The following NCSTN variants were observed in gnomAD, a reference collection of about 807,000 sequenced individuals.
NCSTN encodes the protein nicastrin, also known as anterior pharynx-defective 2.
NCSTN carries 22 observed loss-of-function variants against 87.0 expected under a neutral mutation model. That is an observed-to-expected ratio of 0.25 (90% CI 0.18 to 0.36). The LOEUF is 0.36. NCSTN is among the 10% of genes least tolerant of loss of function. The probability of loss-of-function intolerance (pLI) is 1.00; values close to 1 mark genes in which losing one functional copy is unlikely to be tolerated. For synonymous variants in NCSTN, 306 were observed against 327.1 expected, an observed-to-expected ratio of 0.94 and a Z score of 0.69; for missense variants, 693 against 883.3, an observed-to-expected ratio of 0.78 and a Z score of 2.73.
chr1:160,352,204 G>A lies in NCSTN; in HGVS notation c.994G>A (p.Gly332Arg). 1 of 1,614,038 alleles carries A rather than the reference G, an allele frequency of 6.2e-7. No individual in the cohort carries two copies. Among genetic ancestry groups the A allele is most frequent in the Non-Finnish European group, 8.5e-7 (1 of 1,179,938 alleles). ...PRNVMFVFFQGETFDYIGSSR... is the reference protein window; with the variant it reads ...PRNVMFVFFQRETFDYIGSSR... ...CAATGTCATGTTTGTCTTCTTTCAA[G>A]GGGTAAGGGCTCTTTGGCTGGGGTG... The change falls in exon 8 of 17, where the codon GGG becomes AGG. Residue 332 changes from glycine to arginine, a missense_variant and splice_region_variant. Transcript: ENST00000294785.
intron 1 of NCSTN, among the ~76,000 whole-genome samples, chr1:160,344,223 C>T (rs1190003648): frequency 6.6e-6 from 1 of 152,054 alleles, no homozygotes. Flanking sequence ...TACAGCTGCC[C>T]CACACTGTGG....
Position 160,358,229 on chromosome 1 carries a change from C to T in NCSTN, c.2088C>T (p.Val696=). The stretch of plus-strand genomic sequence containing the variant: ...ACTGCATCAATGCCAAAGCTGATGT[C>T]CTTTTCATTGCTCCCCGGGAGCCAG... ...VTYCINAKAD[V]LFIAPREPGA... Residue 696 remains valine, a synonymous_variant, in exon 17 of 17, where the codon GTC becomes GTT. Coordinates refer to ENST00000294785, the MANE Select transcript of NCSTN (RefSeq NM_015331.3). 1 of 1,614,158 alleles carries T rather than the reference C, an allele frequency of 6.2e-7. No homozygotes were observed. The highest frequency in any genetic ancestry group is 2.2e-5 in the East Asian group (1 of 44,866).
chr1:160,353,516 C>T, intron 10 of NCSTN: 1 of 1,324,704 alleles, frequency 7.5e-7, no homozygotes, highest in South Asian at 1.5e-5. Flanking sequence ...GTGACTAGCT[C>T]CCTTCTTGCC....
intron 1 of NCSTN, chr1:160,344,414 A>C: frequency 7.0e-7 from 1 of 1,431,644 alleles, no homozygotes; most frequent in Non-Finnish European, 9.2e-7. Flanking sequence ...CACCTGTGCA[A>C]CCAGAATCTG....
At chr1:160,356,875 C>A in intron 15 of NCSTN, 121 bp downstream of exon 15, 1 of 1,435,738 alleles carries the variant, frequency 7.0e-7, no homozygotes, top group Non-Finnish European at 9.7e-7. Flanking sequence ...ATGCAGTCCT[C>A]AGCAATTGGG....
chr1:160,350,985 A>G (rs961501440), intron 5 of NCSTN, among the ~76,000 whole-genome samples: 1 of 152,228 alleles, frequency 6.6e-6, no homozygotes, highest in African/African-American at 2.4e-5. Flanking sequence ...GGAATGGGAT[A>G]GTTTCATCTC....
At position 160,356,699 on chromosome 1, in the gene NCSTN, A is replaced by G. The variant is rs140064076; in HGVS notation, c.1739A>G (p.Asn580Ser). The change falls in exon 15 of 17, where the codon AAC (asparagine) becomes AGC (serine). Residue 580 changes from asparagine to serine, a missense_variant. By Grantham distance (46) the Asn-to-Ser change is conservative (BLOSUM62 1). Transcript: ENST00000294785. The stretch of plus-strand genomic sequence containing the variant: ...GCAAATTTGACTGGCACAGTGGTCA[A>G]CCTCACCCGAGAGCAGTGCCAGGAT... ...ALANLTGTVVNLTREQCQDPS... is the reference protein window; with the variant it reads ...ALANLTGTVVSLTREQCQDPS... 244 of 1,614,100 alleles carry G rather than the reference A, an allele frequency of 1.5e-4. No individual in the cohort carries two copies. Among genetic ancestry groups the G allele is most frequent in the East Asian group, 2.0e-4 (9 of 44,896 alleles).
intron 11 of NCSTN, among the ~76,000 whole-genome samples, chr1:160,354,684 A>G (rs1348878888): frequency 5.3e-5 from 8 of 152,222 alleles, no homozygotes; most frequent in Admixed American, 3.3e-4. Context: ...CAGAGGTGCC[A>G]GAAACAGTAT....
chr1:160,349,687 A>C lies in NCSTN; in HGVS notation c.436+17A>C. 6.2e-7 allele frequency: 1 copy of C among 1,613,196 alleles called. No individual in the cohort carries two copies. The highest frequency in any genetic ancestry group is 8.5e-7 in the Non-Finnish European group (1 of 1,179,970). Reference sequence around the variant, plus strand: ...ATGGGTTTGGTAAGTGTCCCAAAGGATCAGGAGAGCCTACTGTCACCTAAG... The same window carrying C: ...ATGGGTTTGGTAAGTGTCCCAAAGGCTCAGGAGAGCCTACTGTCACCTAAG... On this transcript the variant is annotated intron_variant, in intron 4 of 16. Coordinates refer to ENST00000294785, the MANE Select transcript of NCSTN (RefSeq NM_015331.3).
At position 160,358,584 on chromosome 1, in the gene NCSTN, G is replaced by A. The variant is rs1219787305; in HGVS notation, c.*313G>A. The A allele has an allele frequency of 4.9e-6, 2 of 406,388 alleles. No individual in the cohort carries two copies. Among genetic ancestry groups the A allele is most frequent in the Non-Finnish European group, 9.3e-6 (2 of 215,272 alleles). 25.2% of individuals were successfully genotyped at this position (406,388 alleles called of 1,614,324 possible). On this transcript the variant is annotated 3_prime_UTR_variant, in exon 17 of 17. Coordinates refer to ENST00000294785, the MANE Select transcript of NCSTN (RefSeq NM_015331.3). ...TTACCCACCCTAATTTGCCCTTCAG[G>A]ACCCTTCTACTTTTTCCTTCCTGCC...
chr1:160,354,641 A>C (rs886540158), intron 11 of NCSTN, among the ~76,000 whole-genome samples: 6 of 152,144 alleles, frequency 3.9e-5, no homozygotes, highest in Non-Finnish European at 5.9e-5. Flanking sequence ...CTTTGGCTAG[A>C]AGACAGAAAG....
intron 3 of NCSTN, 43 bp downstream of exon 3, chr1:160,349,165 A>C (rs200754800): frequency 1.9e-6 from 3 of 1,612,154 alleles, no homozygotes; most frequent in Non-Finnish European, 2.5e-6. Context: ...CCATAGAGGG[A>C]AAGTTTCAGT....
In NCSTN at chr1:160,343,954, G is replaced by GTTTTTTTTTT. The variant is rs35301624; in HGVS notation, c.85+486_85+495dup. The GTTTTTTTTTT allele has an allele frequency of 2.6e-5, 4 of 152,452 alleles. 1 individual carries two copies. Among genetic ancestry groups the GTTTTTTTTTT allele is most frequent in the African/African-American group, 1.4e-4 (4 of 28,780 alleles). 9.4% of individuals were successfully genotyped at this position (152,452 alleles called of 1,614,324 possible). On this transcript the variant is annotated intron_variant, in intron 1 of 16. Coordinates refer to ENST00000294785, the MANE Select transcript of NCSTN (RefSeq NM_015331.3). ...TCTGTGTCCCCCTGCCTTGCCTCAG[G>GTTTTTTTTTT]TTTTTTTTTTTTTTTTTTTTTTAAT...
chr1:160,353,064 G>C, intron 9 of NCSTN, 73 bp downstream of exon 9: 2 of 1,578,328 alleles, frequency 1.3e-6, no homozygotes, highest in Admixed American at 1.7e-5. Flanking sequence ...GGTCTTAACT[G>C]CAGGAACCAC....
At chr1:160,353,044 G>A (rs1648949661) in intron 9 of NCSTN, 53 bp downstream of exon 9, 2 of 1,587,528 alleles carry the variant, frequency 1.3e-6, no homozygotes, top group African/African-American at 1.3e-5. Flanking sequence ...TTCCTCCTTT[G>A]TTGTTCTGCG....
In NCSTN at chr1:160,349,710, A is replaced by G. The variant is rs779732125; in HGVS notation, c.436+40A>G. 2.5e-6 allele frequency: 4 copies of G among 1,611,032 alleles called. No homozygotes were observed. In the East Asian group the frequency reaches 8.9e-5, roughly 36 times the overall value. ...GGATCAGGAGAGCCTACTGTCACCT[A>G]AGGCTCACTGTTGCTTCGGTCTTAC... On this transcript the variant is annotated intron_variant, in intron 4 of 16. Coordinates refer to ENST00000294785, the MANE Select transcript of NCSTN (RefSeq NM_015331.3).
chr1:160,349,096 TCTG>T lies in NCSTN; in HGVS notation c.292_294del (p.Leu98del). On this transcript the variant is annotated inframe_deletion, in exon 3 of 17. Transcript: ENST00000294785. ...ATGGCCCCAACCCCCCTTACATGGTTCTGCTGGAGAGCAAGCATTTTACCAGGT... is the reference window on the plus strand; with the variant it reads ...ATGGCCCCAACCCCCCTTACATGGTTCTGGAGAGCAAGCATTTTACCAGGT... The T allele has an allele frequency of 6.2e-7, 1 of 1,614,164 alleles. No individual in the cohort carries two copies. Among genetic ancestry groups the T allele is most frequent in the Non-Finnish European group, 8.5e-7 (1 of 1,180,008 alleles).
intron 10 of NCSTN, among the ~76,000 whole-genome samples, chr1:160,353,905 A>G (rs1649000785): frequency 6.6e-6 from 1 of 152,194 alleles, no homozygotes; most frequent in Non-Finnish European, 1.5e-5. Flanking sequence ...TCTCTTCTTT[A>G]TGCCCCAATT....
At chr1:160,357,742 T>G (rs1437420499) in intron 16 of NCSTN, among the ~76,000 whole-genome samples, 1 of 152,184 alleles carries the variant, frequency 6.6e-6, no homozygotes, top group East Asian at 1.9e-4. Context: ...GAGTAGGTGT[T>G]CATTCTGGAG....
Sources: gnomAD v4.1 joint callset for allele counts (sites outside exome capture counted in the v4.1 genomes callset) on GRCh38, gnomAD v4.1.1 for gene constraint, MANE v1.5 for transcripts, NCBI Gene and HGNC (gene_info 2026-07-23, HGNC 2026-07-21) for gene names.